Variants in PCDH11X observed in about 807,000 individuals in gnomAD.
PCDH11X encodes protocadherin-11 X-linked.
A neutral mutation model predicts 53.3 loss-of-function variants in PCDH11X; 18 were observed. The observed-to-expected ratio is 0.34, with a 90% CI of 0.23 to 0.50. The LOEUF is 0.50. Among genes scored for constraint, PCDH11X ranks in the 20% least tolerant of loss-of-function variants. The pLI is 0.98. For synonymous variants in PCDH11X, 279 were observed against 393.3 expected (o/e 0.71, Z 3.44); for missense variants, 570 against 1,032.4 (o/e 0.55, Z 6.14).
chrX:91,904,815 C>A (rs1299929049), intron 6 of PCDH11X, among the ~76,000 whole-genome samples: 4 of 108,960 alleles, frequency 3.7e-5, no homozygotes. Context: ...CTATAATGAA[C>A]CTTCTTGAAC....
At chrX:91,869,656 A>G (rs1224065594) in intron 5 of PCDH11X, among the ~76,000 whole-genome samples, 2 of 111,202 alleles carry the variant, frequency 1.8e-5, no homozygotes, top group Non-Finnish European at 3.8e-5. Flanking sequence ...TGTATTGCAT[A>G]TCTTCCCAAT....
chrX:91,922,351 A>G (rs1223399533), intron 6 of PCDH11X, among the ~76,000 whole-genome samples: 2 of 111,650 alleles, frequency 1.8e-5, no homozygotes, highest in Non-Finnish European at 3.8e-5. Context: ...GCTGGGGTTT[A>G]AACACAGTCT....
chrX:92,560,641 A>T (rs1193912647), intron 10 of PCDH11X, among the ~76,000 whole-genome samples: 1 of 109,871 alleles, frequency 9.1e-6, no homozygotes, highest in African/African-American at 3.4e-5. Context: ...ATCAGTGGTG[A>T]TCTGGCTGAA....
chrX:92,492,049 C>T (rs747580431), intron 10 of PCDH11X, among the ~76,000 whole-genome samples: 59 of 111,532 alleles, frequency 5.3e-4, no homozygotes, highest in African/African-American at 1.4e-3. Flanking sequence ...ATGCACTAAT[C>T]GGAAAACTGT....
At chrX:92,572,650 G>A (rs1454654159) in intron 10 of PCDH11X, among the ~76,000 whole-genome samples, 53 of 108,208 alleles carry the variant, frequency 4.9e-4, no homozygotes, top group African/African-American at 1.7e-3. Flanking sequence ...TTGGTAGGCT[G>A]AGGCAGGTGG....
intron 9 of PCDH11X, among the ~76,000 whole-genome samples, chrX:92,424,184 G>T (rs867853761): frequency 1.3e-5 from 1 of 76,352 alleles, no homozygotes; most frequent in Non-Finnish European, 2.8e-5. Context: ...ATTGGCAAAT[G>T]TTTTTTTTTT....
intron 10 of PCDH11X, among the ~76,000 whole-genome samples, chrX:92,546,393 A>G (rs1602302566): frequency 1.8e-5 from 2 of 111,935 alleles, no homozygotes; most frequent in Middle Eastern, 9.3e-3. Context: ...GTTATCTTCC[A>G]TCGACATACA....
intron 8 of PCDH11X, among the ~76,000 whole-genome samples, chrX:92,332,221 A>T (rs1035914768): frequency 1.8e-5 from 2 of 112,502 alleles, no homozygotes; most frequent in African/African-American, 6.5e-5. Flanking sequence ...GACTTGTATA[A>T]ATAAGAAAAT....
chrX:92,585,814 G>A lies in PCDH11X; in HGVS notation c.3368-32450G>A, dbSNP rs188353568. 8.2e-5 allele frequency among the ~76,000 whole-genome samples: 9 copies of A among 109,096 alleles called. No homozygotes were observed. In the East Asian group the frequency reaches 8.6e-4, roughly 10 times the overall value. 94.7% of individuals were successfully genotyped at this position (109,096 alleles called of 115,157 possible). A position where few individuals can be genotyped will look rare whatever the true frequency, so the allele number is the denominator to read the frequency against. ...TATAAAATGATGAATTAAAAGTTTG[G>A]CTTTTCTGTACATTCTATTTTAACT... On this transcript the variant is annotated intron_variant, in intron 10 of 10. Coordinates refer to ENST00000682573, the MANE Select transcript of PCDH11X (RefSeq NM_032968.5).
At chrX:92,566,742 A>G (rs887186141) in intron 10 of PCDH11X, among the ~76,000 whole-genome samples, 2 of 112,149 alleles carry the variant, frequency 1.8e-5, no homozygotes, top group Non-Finnish European at 3.8e-5. Context: ...GGCACTGAGC[A>G]TTTAACTTTA....
chrX:91,803,134 A>T (rs1325081615), intron 1 of PCDH11X, among the ~76,000 whole-genome samples: 1 of 111,899 alleles, frequency 8.9e-6, no homozygotes, highest in East Asian at 2.8e-4. Context: ...TTTCCTATTC[A>T]ATTACTTATT....
At position 92,599,959 on chromosome X, in the gene PCDH11X, A is replaced by G. The variant is rs754955236; in HGVS notation, c.3368-18305A>G. 3.6e-5 allele frequency among the ~76,000 whole-genome samples: 4 copies of G among 110,464 alleles called. No individual in the cohort carries two copies. The South Asian group carries it at 1.5e-3, about 42-fold the overall frequency. The stretch of plus-strand genomic sequence containing the variant: ...TTCCCCTGCCCTAGATATCTGTGGA[A>G]CTTTGAACATGAGAGAGATGATTTA... On this transcript the variant is annotated intron_variant, in intron 10 of 10. Coordinates refer to ENST00000682573, the MANE Select transcript of PCDH11X (RefSeq NM_032968.5).
intron 8 of PCDH11X, among the ~76,000 whole-genome samples, chrX:92,339,427 A>G (rs1231751709): frequency 3.6e-5 from 4 of 112,110 alleles, no homozygotes; most frequent in African/African-American, 1.3e-4. Context: ...GCATTGCTAT[A>G]AAGAAATACC....
intron 6 of PCDH11X, among the ~76,000 whole-genome samples, chrX:92,065,392 G>A (rs780616304): frequency 4.5e-4 from 50 of 111,229 alleles, no homozygotes; most frequent in African/African-American, 1.6e-3. Context: ...CAGTAAGATT[G>A]CTGGATTGTA....
intron 6 of PCDH11X, among the ~76,000 whole-genome samples, chrX:92,038,517 A>T (rs1261153577): frequency 8.9e-6 from 1 of 112,296 alleles, no homozygotes; most frequent in Non-Finnish European, 1.9e-5. Context: ...CTCTGACTAG[A>T]TTTCAGAAGA....
chrX:91,782,222 A>G (rs1476892335), intron 1 of PCDH11X, among the ~76,000 whole-genome samples: 6 of 109,639 alleles, frequency 5.5e-5, no homozygotes, highest in Non-Finnish European at 9.5e-5. Context: ...CTAAGGCGCC[A>G]GAGGCGGGGG....
intron 6 of PCDH11X, among the ~76,000 whole-genome samples, chrX:92,092,705 T>C (rs952124606): frequency 1.8e-5 from 2 of 111,495 alleles, no homozygotes; most frequent in Non-Finnish European, 3.8e-5. Context: ...AGCTAAGGGG[T>C]ATCTTCGAAC....
chrX:91,914,968 G>C (rs12858930), intron 6 of PCDH11X, among the ~76,000 whole-genome samples: 1 of 109,509 alleles, frequency 9.1e-6, no homozygotes, highest in African/African-American at 3.3e-5. Flanking sequence ...ATCAAGACAA[G>C]GGAAAGAATC....
intron 6 of PCDH11X, chrX:92,113,203 G>C: frequency 2.6e-6 from 3 of 1,158,207 alleles, no homozygotes; most frequent in East Asian, 6.0e-5. Context: ...AGCCCCCCGA[G>C]ATTGAGCCCT....
Sources: gnomAD v4.1 joint callset for allele counts (sites outside exome capture counted in the v4.1 genomes callset) on GRCh38, gnomAD v4.1.1 for gene constraint, MANE v1.5 for transcripts, NCBI Gene and HGNC (gene_info 2026-07-23, HGNC 2026-07-21) for gene names.